LPAR5: variants seen among roughly 807,000 people sequenced by gnomAD.
LPAR5 encodes G protein-coupled receptor 92.
For missense variants in LPAR5, 544 were observed against 521.8 expected (o/e 1.04, Z -0.41); for synonymous variants, 271 against 261.6 (o/e 1.04, Z -0.35).
Position 6,620,810 on chromosome 12 carries a change from C to T in LPAR5, c.439G>A (p.Ala147Thr), listed in dbSNP as rs374811341. 3 of 1,566,372 alleles carry T rather than the reference C, an allele frequency of 1.9e-6. No homozygotes were observed. Among genetic ancestry groups the T allele is most frequent in the Non-Finnish European group, 2.6e-6 (3 of 1,156,196 alleles). The change falls in exon 2 of 2, where the codon GCG (alanine) becomes ACG (threonine). Residue 147 changes from alanine to threonine, a missense_variant. Physicochemically the swap from Ala to Thr is moderately conservative, Grantham distance 58 (BLOSUM62 0). Transcript: ENST00000329858. This position sits in a 1 kb window ranked among gnomAD's most constrained non-coding sequence, Gnocchi z 6.8. ...VARLLCLGVW[A>T]LILVFAVPAA... Reference sequence around the variant, plus strand: ...GGCACGGCAAACACCAGGATGAGCGCCCACACGCCCAGGCAGAGCAGCCGC... The same window carrying T: ...GGCACGGCAAACACCAGGATGAGCGTCCACACGCCCAGGCAGAGCAGCCGC...
At chr12:6,633,802 G>T (rs1405968541) in intron 1 of LPAR5, among the ~76,000 whole-genome samples, 2 of 152,172 alleles carry the variant, frequency 1.3e-5, no homozygotes, top group Non-Finnish European at 2.9e-5. Flanking sequence ...CAGCAGAGTA[G>T]GGAGAGCAGA....
intron 1 of LPAR5, among the ~76,000 whole-genome samples, chr12:6,621,787 A>G (rs148613183): frequency 6.6e-6 from 1 of 152,284 alleles, no homozygotes; most frequent in Non-Finnish European, 1.5e-5. Flanking sequence ...GCTTGAACCT[A>G]GGAGTTGGGG....
At position 6,619,971 on chromosome 12, in the gene LPAR5, G is replaced by A; in HGVS notation, c.*159C>T. The stretch of plus-strand genomic sequence containing the variant: ...TTTCCAGCAGCACTGCCTTCCCTGG[G>A]CCCTGGCTTCCACACTTTGTACTCT... On this transcript the variant is annotated 3_prime_UTR_variant, in exon 2 of 2. Coordinates refer to ENST00000329858, the MANE Select transcript of LPAR5 (RefSeq NM_020400.6). The A allele has an allele frequency of 1.0e-6, 1 of 994,444 alleles. No individual in the cohort carries two copies. The highest frequency in any genetic ancestry group is 1.6e-6 in the Non-Finnish European group (1 of 641,908). 61.6% of individuals were successfully genotyped at this position (994,444 alleles called of 1,614,324 possible).
At chr12:6,634,932 G>A (rs1949001194) in intron 1 of LPAR5, among the ~76,000 whole-genome samples, 1 of 134,318 alleles carries the variant, frequency 7.4e-6, no homozygotes, top group Admixed American at 7.3e-5. Context: ...TACTAAAAAT[G>A]CAAAAATTAG....
intron 1 of LPAR5, chr12:6,631,440 C>T (rs1948980222): frequency 6.6e-6 from 1 of 152,372 alleles, no homozygotes. Context: ...GTGACCACGA[C>T]ACACACAGAG....
intron 1 of LPAR5, among the ~76,000 whole-genome samples, chr12:6,622,452 A>T (rs990211661): frequency 1.3e-5 from 2 of 150,592 alleles, no homozygotes; most frequent in East Asian, 3.9e-4. Flanking sequence ...AAAATAAAAT[A>T]AAAAATAAAA....
At chr12:6,633,200 G>A (rs1948991552) in intron 1 of LPAR5, among the ~76,000 whole-genome samples, 1 of 152,198 alleles carries the variant, frequency 6.6e-6, no homozygotes, top group African/African-American at 2.4e-5. Context: ...AAGCAAGAAA[G>A]TCAGTCCCAA....
At position 6,621,336 on chromosome 12, in the gene LPAR5, C is replaced by A; in HGVS notation, c.-88G>T. 7.6e-7 allele frequency: 1 copy of A among 1,323,278 alleles called. No homozygotes were observed. The highest frequency in any genetic ancestry group is 2.8e-5 in the East Asian group (1 of 36,116). The allele number at this position is 1,323,278 out of a possible 1,614,324, so 82.0% of individuals were successfully genotyped here. A position where few individuals can be genotyped will look rare whatever the true frequency, so the allele number is the denominator to read the frequency against. The stretch of plus-strand genomic sequence containing the variant: ...TGGCATTCACCTCCGGGGCTGGGGC[C>A]TAGAGGCTGTACAGACATGGTCCCA... On this transcript the variant is annotated 5_prime_UTR_variant, in exon 2 of 2. In the 5' UTR this introduces an upstream ATG that the reference lacks. Transcript: ENST00000329858.
At chr12:6,633,396 C>G (rs1407325447) in intron 1 of LPAR5, among the ~76,000 whole-genome samples, 1 of 151,856 alleles carries the variant, frequency 6.6e-6, no homozygotes, top group African/African-American at 2.4e-5. Context: ...CTTGCCGGTT[C>G]CTTCTCCTGG....
chr12:6,625,314 A>C (rs966735405), intron 1 of LPAR5, among the ~76,000 whole-genome samples: 2 of 150,454 alleles, frequency 1.3e-5, no homozygotes, highest in African/African-American at 4.9e-5. Context: ...AGTCCCAGCT[A>C]CTCAGGAGGC....
rs1316165460 is a variant in LPAR5 at position 6,621,402 on chromosome 12, G to A, written c.-154C>T. ...GGTCATGGGAATGTGGGCTATGGCT[G>A]CAGGGACAGATGGCTGCCAAGGGTT... On this transcript the variant is annotated 5_prime_UTR_variant, in exon 2 of 2. Transcript: ENST00000329858. 13 of 685,996 alleles carry A rather than the reference G, an allele frequency of 1.9e-5. No individual in the cohort carries two copies. Among genetic ancestry groups the A allele is most frequent in the South Asian group, 5.0e-5 (1 of 20,012 alleles). 42.5% of individuals were successfully genotyped at this position (685,996 alleles called of 1,614,324 possible).
rs867479517 is a variant in LPAR5 at position 6,620,428 on chromosome 12, C to T, written c.821G>A (p.Arg274His). Residue 274 changes from arginine (R) to histidine (H), a missense_variant, in exon 2 of 2, where the codon CGC (arginine) becomes CAC (histidine). Physicochemically the swap from Arg to His is conservative, Grantham distance 29. Coordinates refer to ENST00000329858, the MANE Select transcript of LPAR5 (RefSeq NM_020400.6). The surrounding 1 kb of genome is among the most constrained non-coding windows in gnomAD (Gnocchi z 6.8). ...CATCACCATCAGCACCCCGCGCACGCGATCGCGGGCAGGCACGCTGGCCGC... is the reference window on the plus strand; with the variant it reads ...CATCACCATCAGCACCCCGCGCACGTGATCGCGGGCAGGCACGCTGGCCGC... ...LVAASVPARD[R>H]VRGVLMVMVL... The T allele has an allele frequency of 1.2e-5, 19 of 1,605,356 alleles. No individual in the cohort carries two copies. The Middle Eastern group carries it at 2.6e-3, about 224-fold the overall frequency.
At chr12:6,622,447 AAAAT>A (rs889660041) in intron 1 of LPAR5, among the ~76,000 whole-genome samples, 5 of 149,810 alleles carry the variant, frequency 3.3e-5, no homozygotes, top group Non-Finnish European at 5.9e-5. Context: ...TAAATAAAAT[AAAAT>A]AAAAAATAAA....
Position 6,620,955 on chromosome 12 carries a change from G to A in LPAR5, c.294C>T (p.Gly98=), listed in dbSNP as rs146643167. ...PFPDLLCQTT[G]AIFQMNMYGS... The stretch of plus-strand genomic sequence containing the variant: ...CGTACATGTTCATCTGGAAGATGGC[G>A]CCCGTCGTCTGGCACAGGAGGTCGG... Residue 98 remains glycine, a synonymous_variant, in exon 2 of 2, where the codon GGC becomes GGT. Transcript: ENST00000329858. The surrounding 1 kb of genome is among the most constrained non-coding windows in gnomAD (Gnocchi z 6.8). 9.3e-6 allele frequency: 15 copies of A among 1,612,322 alleles called. No homozygotes were observed. Among genetic ancestry groups the A allele is most frequent in the Admixed American group, 1.7e-5 (1 of 59,754 alleles).
rs113415869 is a variant in LPAR5, at chr12:6,621,464, C to T, written c.-216G>A. 4.6e-6 allele frequency: 2 copies of T among 437,614 alleles called. No homozygotes were observed. Among genetic ancestry groups the T allele is most frequent in the African/African-American group, 2.0e-5 (1 of 49,082 alleles). The allele number at this position is 437,614 out of a possible 1,614,324, so 27.1% of individuals were successfully genotyped here. A position where few individuals can be genotyped will look rare whatever the true frequency, so the allele number is the denominator to read the frequency against. ...GTCACAGCTTCATCAGCAGCAGAGACCTGGAATAGGAAGGCAAGCCGGAAG... is the reference window on the plus strand; with the variant it reads ...GTCACAGCTTCATCAGCAGCAGAGATCTGGAATAGGAAGGCAAGCCGGAAG... On this transcript the variant is annotated splice_region_variant and 5_prime_UTR_variant, in exon 2 of 2. Transcript: ENST00000329858.
chr12:6,621,134 G>T lies in LPAR5; in HGVS notation c.115C>A (p.Leu39Ile). 6.2e-7 allele frequency: 1 copy of T among 1,600,146 alleles called. No homozygotes were observed. The highest frequency in any genetic ancestry group is 1.3e-5 in the African/African-American group (1 of 74,592). ...AAGACCCAGAGGGCTAGCGCGTTGA[G>T]GGGGAGCCCGGCAGCCAGCACCAAG... ...YSLVLAAGLP[L>I]NALALWVFLR... Residue 39 changes from leucine to isoleucine, a missense_variant, in exon 2 of 2, where the codon CTC (leucine) becomes ATC (isoleucine). Leu to Ile is a conservative substitution (Grantham distance 5). Transcript: ENST00000329858.
At chr12:6,631,216 A>C (rs1305560241) in intron 1 of LPAR5, among the ~76,000 whole-genome samples, 1 of 152,196 alleles carries the variant, frequency 6.6e-6, no homozygotes. Context: ...ACAGACACAT[A>C]TACACACACG....
intron 1 of LPAR5, among the ~76,000 whole-genome samples, chr12:6,624,730 C>T (rs1378629150): frequency 2.6e-5 from 4 of 152,274 alleles, no homozygotes; most frequent in East Asian, 1.9e-4. Flanking sequence ...AAGCGATTCT[C>T]CTGCCTCAGC....
chr12:6,619,210 A>T lies in LPAR5; in HGVS notation c.*920T>A, dbSNP rs1948864173. ...CTAGTATGGTAAGTATCAAAAGAAC[A>T]AAATATAAGCAAAGCTCTTTGAGAT... is the stretch of plus-strand genomic sequence containing the variant. On this transcript the variant is annotated 3_prime_UTR_variant, in exon 2 of 2. Coordinates refer to ENST00000329858, the MANE Select transcript of LPAR5 (RefSeq NM_020400.6). The T allele has an allele frequency of 6.6e-6, 1 of 152,208 alleles. No homozygotes were observed. The highest frequency in any genetic ancestry group is 6.5e-5 in the Admixed American group (1 of 15,272). The allele number at this position is 152,208 out of a possible 1,614,324, so 9.4% of individuals were successfully genotyped here. A position where few individuals can be genotyped will look rare whatever the true frequency, so the allele number is the denominator to read the frequency against.
Sources: allele counts gnomAD v4.1 joint callset (sites outside exome capture counted in the v4.1 genomes callset), GRCh38; gene constraint gnomAD v4.1.1; non-coding constraint Gnocchi (gnomAD v3.1); transcripts MANE v1.5; gene names NCBI Gene and HGNC (gene_info 2026-07-23, HGNC 2026-07-21).